Variants in ASNSD1 observed in about 807,000 individuals in gnomAD.
ASNSD1 encodes asparagine synthetase domain-containing protein 1.
A neutral mutation model predicts 48.3 loss-of-function variants in ASNSD1; 36 were observed. The observed-to-expected ratio is 0.75, with a 90% confidence interval of 0.57 to 0.99. ASNSD1 has a LOEUF of 0.99. Ranked by LOEUF, ASNSD1 falls within the 50% of genes least tolerant of loss-of-function variation. The probability of loss-of-function intolerance (pLI) is 0.00; values close to 1 mark genes in which losing one functional copy is unlikely to be tolerated. For synonymous variants in ASNSD1, 257 were observed against 262.1 expected (o/e 0.98, Z 0.19); for missense variants, 714 against 758.2 (o/e 0.94, Z 0.69).
chr2:189,661,810 GAA>G (rs1402688880), intron 1 of ASNSD1, among the ~76,000 whole-genome samples, 200 bp downstream of exon 1: 4 of 152,224 alleles, frequency 2.6e-5, no homozygotes, highest in Non-Finnish European at 5.9e-5. Context: ...GGGAGATCTT[GAA>G]ATTTGTCCCG....
intron 3 of ASNSD1, among the ~76,000 whole-genome samples, chr2:189,665,655 GT>G (rs2032785714): frequency 7.8e-6 from 1 of 127,632 alleles, no homozygotes; most frequent in Non-Finnish European, 1.6e-5. Flanking sequence ...TATTATAAAT[GT>G]TTTAGAAAGC....
intron 2 of ASNSD1, among the ~76,000 whole-genome samples, chr2:189,664,442 A>G (rs1223781505): frequency 6.6e-6 from 1 of 152,248 alleles, no homozygotes; most frequent in African/African-American, 2.4e-5. Context: ...CAAACAAGTA[A>G]GCTACTGCTT....
Position 189,670,579 on chromosome 2 carries a change from C to G in ASNSD1, c.1785C>G (p.Ala595=), listed in dbSNP as rs753913976. Residue 595 remains alanine (A), a synonymous_variant, in exon 6 of 6, where the codon GCC becomes GCG. Transcript: ENST00000260952. ...RLAAVELGLT[A]SALLPKRAMQ... ...CAGCTGTGGAACTTGGTCTTACAGCCTCTGCTCTTCTGCCCAAACGGGCCA... is the reference window on the plus strand; with the variant it reads ...CAGCTGTGGAACTTGGTCTTACAGCGTCTGCTCTTCTGCCCAAACGGGCCA... The G allele has an allele frequency of 6.2e-7, 1 of 1,614,008 alleles. No homozygotes were observed. Among genetic ancestry groups the G allele is most frequent in the South Asian group, 1.1e-5 (1 of 91,068 alleles).
chr2:189,667,397 C>T lies in ASNSD1; in HGVS notation c.1265C>T (p.Ser422Phe), dbSNP rs780064105. 1 of 1,614,152 alleles carries T rather than the reference C, an allele frequency of 6.2e-7. No individual in the cohort carries two copies. Among genetic ancestry groups the T allele is most frequent in the Non-Finnish European group, 8.5e-7 (1 of 1,180,010 alleles). The stretch of plus-strand genomic sequence containing the variant: ...AAGGAACTACAAGCTGTTAGCCCTT[C>T]CCGAATTTGGAATTTTGTTGAAATT... ...GLKELQAVSP[S>F]RIWNFVEINV... Residue 422 changes from serine (S) to phenylalanine (F), a missense_variant, in exon 4 of 6, where the codon TCC (serine) becomes TTC (phenylalanine). Physicochemically the swap from Ser to Phe is radical, Grantham distance 155. Transcript: ENST00000260952.
At chr2:189,662,023 C>T (rs1015535844) in intron 1 of ASNSD1, among the ~76,000 whole-genome samples, 1 of 152,208 alleles carries the variant, frequency 6.6e-6, no homozygotes, top group African/African-American at 2.4e-5. Context: ...AAGCTCATTT[C>T]AAATATGTCC....
At chr2:189,668,848 T>C (rs2032867551) in intron 5 of ASNSD1, among the ~76,000 whole-genome samples, 1 of 152,256 alleles carries the variant, frequency 6.6e-6, no homozygotes, top group Admixed American at 6.5e-5. Context: ...TATATCATAT[T>C]TCTGAAGGTA....
chr2:189,667,220 T>C lies in ASNSD1; in HGVS notation c.1088T>C (p.Met363Thr). The C allele has an allele frequency of 6.2e-7, 1 of 1,614,132 alleles. No homozygotes were observed. Among genetic ancestry groups the C allele is most frequent in the Non-Finnish European group, 8.5e-7 (1 of 1,180,008 alleles). ...NVAFIAEEKT[M>T]PTTFNREGNK... ...GCTTTCATAGCTGAAGAAAAGACCATGCCAACTACCTTTAACAGAGAAGGG... is the reference window on the plus strand; with the variant it reads ...GCTTTCATAGCTGAAGAAAAGACCACGCCAACTACCTTTAACAGAGAAGGG... The change falls in exon 4 of 6, where the codon ATG becomes ACG. Residue 363 changes from methionine (M) to threonine (T), a missense_variant. Transcript: ENST00000260952.
chr2:189,661,651 C>G lies in ASNSD1; in HGVS notation c.-223+41C>G, dbSNP rs780363460. 36 of 399,220 alleles carry G rather than the reference C, an allele frequency of 9.0e-5. 1 individual carries two copies. Among genetic ancestry groups the G allele is most frequent in the African/African-American group, 2.1e-4 (10 of 48,656 alleles). 24.7% of individuals were successfully genotyped at this position (399,220 alleles called of 1,614,324 possible). Reference sequence around the variant, plus strand: ...GACGAAAAGGCTCCTGGACTCGGGACCGGGCGCCACTGGACCCTGAAGGTG... The same window carrying G: ...GACGAAAAGGCTCCTGGACTCGGGAGCGGGCGCCACTGGACCCTGAAGGTG... On this transcript the variant is annotated intron_variant, in intron 1 of 5. Coordinates refer to ENST00000260952, the MANE Select transcript of ASNSD1 (RefSeq NM_019048.4).
Position 189,666,607 on chromosome 2 carries a change from G to T in ASNSD1, c.475G>T (p.Val159Phe). ...NLGKSFCLSS[V>F]GTQTSGLANQ... ...GGGCAAGAGTTTCTGCCTCTCTTCA[G>T]TTGGCACCCAAACATCTGGATTGGC... The change falls in exon 4 of 6, where the codon GTT becomes TTT. Residue 159 changes from valine to phenylalanine, a missense_variant. Transcript: ENST00000260952. 6.2e-7 allele frequency: 1 copy of T among 1,614,106 alleles called. No individual in the cohort carries two copies. Among genetic ancestry groups the T allele is most frequent in the Non-Finnish European group, 8.5e-7 (1 of 1,180,018 alleles).
chr2:189,665,228 G>A, intron 2 of ASNSD1, 148 bp from the exon 3 acceptor site: 1 of 369,932 alleles, frequency 2.7e-6, no homozygotes, highest in East Asian at 3.8e-5. Context: ...TGGGCAGTGG[G>A]TGACTTTTAT....
chr2:189,670,188 G>GGC (rs2032896811), intron 5 of ASNSD1, among the ~76,000 whole-genome samples: 1 of 130,416 alleles, frequency 7.7e-6, no homozygotes, highest in African/African-American at 2.9e-5. Context: ...TGCTCACCTA[G>GGC]GCAAAAAAAA....
At chr2:189,668,567 T>G (rs2032862377) in intron 5 of ASNSD1, among the ~76,000 whole-genome samples, 1 of 151,974 alleles carries the variant, frequency 6.6e-6, no homozygotes, top group Non-Finnish European at 1.5e-5. Context: ...ATTTAGAGGG[T>G]TTTGTTCAGC....
At chr2:189,665,076 A>G (rs559776918) in intron 2 of ASNSD1, among the ~76,000 whole-genome samples, 3 of 152,326 alleles carry the variant, frequency 2.0e-5, no homozygotes, top group Non-Finnish European at 4.4e-5. Flanking sequence ...GTGTTCTTGT[A>G]AAAGAACACT....
chr2:189,667,045 G>A lies in ASNSD1; in HGVS notation c.913G>A (p.Glu305Lys). ...KKRVLCLPRD[E>K]NLTANEVLKT... Reference sequence around the variant, plus strand: ...ACGTGTCTTGTGTTTACCTAGGGATGAAAACCTGACAGCAAATGAAGTTTT... The same window carrying A: ...ACGTGTCTTGTGTTTACCTAGGGATAAAAACCTGACAGCAAATGAAGTTTT... The change falls in exon 4 of 6, where the codon GAA (glutamate) becomes AAA (lysine). Residue 305 changes from glutamate (E) to lysine (K), a missense_variant. Coordinates refer to ENST00000260952, the MANE Select transcript of ASNSD1 (RefSeq NM_019048.4). 3.7e-6 allele frequency: 6 copies of A among 1,614,142 alleles called. No homozygotes were observed. The highest frequency in any genetic ancestry group is 4.2e-6 in the Non-Finnish European group (5 of 1,179,992).
chr2:189,665,500 C>A, intron 3 of ASNSD1, 49 bp downstream of exon 3: 1 of 390,912 alleles, frequency 2.6e-6, no homozygotes, highest in South Asian at 1.3e-4. Context: ...AAATTATACT[C>A]ATCTGAGTGT....
Position 189,666,249 on chromosome 2 carries a change from A to G in ASNSD1, c.117A>G (p.Leu39=). The G allele has an allele frequency of 6.2e-7, 1 of 1,614,150 alleles. No homozygotes were observed. The highest frequency in any genetic ancestry group is 8.5e-7 in the Non-Finnish European group (1 of 1,179,992). Residue 39 remains leucine, a synonymous_variant, in exon 4 of 6, where the codon TTA becomes TTG. Transcript: ENST00000260952. ...QRGPNSSKQL[L]KSDVNYQCLF... ...GACCCAATAGTAGTAAACAATTGTT[A>G]AAGTCTGATGTTAACTACCAGTGTT... is the stretch of plus-strand genomic sequence containing the variant.
At position 189,667,954 on chromosome 2, in the gene ASNSD1, A is replaced by G; in HGVS notation, c.1646+9A>G. 6.2e-7 allele frequency: 1 copy of G among 1,602,064 alleles called. No individual in the cohort carries two copies. The highest frequency in any genetic ancestry group is 8.5e-7 in the Non-Finnish European group (1 of 1,175,128). On this transcript the variant is annotated intron_variant, in intron 5 of 5. Transcript: ENST00000260952. ...CATGGAAAAGAAGCAAGGTAATTCT[A>G]ATCATTTGAGTGTTCTTACGGTATT...
At chr2:189,663,199 A>G (rs984340547) in intron 1 of ASNSD1, among the ~76,000 whole-genome samples, 20 of 151,692 alleles carry the variant, frequency 1.3e-4, no homozygotes, top group African/African-American at 4.8e-4. Context: ...TTCAATCTAA[A>G]TCACAACTTA....
chr2:189,668,061 A>G (rs2032853390), intron 5 of ASNSD1, 116 bp downstream of exon 5: 1 of 981,062 alleles, frequency 1.0e-6, no homozygotes, highest in African/African-American at 1.7e-5. Context: ...AAGAGCAGCA[A>G]TAATAGCTTG....
Sources: allele counts gnomAD v4.1 joint callset (sites outside exome capture counted in the v4.1 genomes callset), GRCh38; gene constraint gnomAD v4.1.1; transcripts MANE v1.5; gene names NCBI Gene and HGNC (gene_info 2026-07-23, HGNC 2026-07-21).